TMEM51: variants seen among roughly 807,000 people sequenced by gnomAD.
TMEM51 encodes chromosome 1 open reading frame 72.
Under a neutral mutation model 13.6 loss-of-function variants are expected in TMEM51, and 8 were observed. The observed-to-expected ratio is 0.59, with a 90% CI of 0.35 to 1.07. The LOEUF is 1.07. TMEM51 is among the 50% of genes least tolerant of loss of function. The probability of loss-of-function intolerance (pLI) is 0.02; values close to 1 mark genes in which losing one functional copy is unlikely to be tolerated. For missense variants in TMEM51, 279 were observed against 330.7 expected (o/e 0.84, Z 1.21); for synonymous variants, 147 against 144.4 (o/e 1.02, Z -0.13).
rs138956119 is a variant in TMEM51 at position 15,215,403 on chromosome 1, G to A, written c.316G>A (p.Ala106Thr). 2.7e-5 allele frequency: 43 copies of A among 1,606,964 alleles called. No homozygotes were observed. The African/African-American group carries it at 3.2e-4, about 12-fold the overall frequency. The change falls in exon 3 of 4, where the codon GCT (alanine) becomes ACT (threonine). Residue 106 changes from alanine to threonine, a missense_variant. Transcript: ENST00000376008. ...DLAHVQHPTG[A>T]GPHAQEEDSQ... is the part of the protein sequence containing the mutation. ...GGCCCATGTCCAGCACCCGACAGGCGCTGGGCCTCACGCCCAGGAGGAAGA... is the reference window on the plus strand; with the variant it reads ...GGCCCATGTCCAGCACCCGACAGGCACTGGGCCTCACGCCCAGGAGGAAGA...
At chr1:15,201,606 G>A (rs1289223370) in intron 1 of TMEM51, among the ~76,000 whole-genome samples, 1 of 152,152 alleles carries the variant, frequency 6.6e-6, no homozygotes, top group Non-Finnish European at 1.5e-5. Flanking sequence ...TCGAAGACAG[G>A]AAGGAAACCC....
chr1:15,197,816 G>T (rs181869929), intron 1 of TMEM51, among the ~76,000 whole-genome samples: 1 of 152,164 alleles, frequency 6.6e-6, no homozygotes, highest in African/African-American at 2.4e-5. Flanking sequence ...ATCTCGCTGT[G>T]TCTGTCACCA....
At chr1:15,153,565 A>G (rs1480125751), upstream of TMEM51, among the ~76,000 whole-genome samples, 1 of 151,962 alleles carries the variant, frequency 6.6e-6, no homozygotes, top group East Asian at 2.0e-4. Flanking sequence ...CCAGCGGCAT[A>G]CGCTGGGGAG....
In TMEM51 at chr1:15,176,283, A is replaced by G. The variant is rs1643453878; in HGVS notation, c.-267+22329A>G. On this transcript the variant is annotated intron_variant, in intron 1 of 3. Coordinates refer to ENST00000376008, the MANE Select transcript of TMEM51 (RefSeq NM_001136218.2). ...CCCAGAAAAATATAAAAAGCCCCAG[A>G]GGCGGCAGTGAGAACACAGGTGTTC... Among the ~76,000 whole-genome samples, 3 of 152,316 alleles carry G rather than the reference A, an allele frequency of 2.0e-5. No individual in the cohort carries two copies. The South Asian group carries it at 6.2e-4, about 32-fold the overall frequency.
At position 15,171,365 on chromosome 1, in the gene TMEM51, G is replaced by T. The variant is rs565362057; in HGVS notation, c.-267+17411G>T. Reference sequence around the variant, plus strand: ...GGAATTAGTTCTTATGCATTCATAGGGGGGGCGGCAGAAAGGAAGGTGGAA... The same window carrying T: ...GGAATTAGTTCTTATGCATTCATAGTGGGGGCGGCAGAAAGGAAGGTGGAA... On this transcript the variant is annotated intron_variant, in intron 1 of 3. Coordinates refer to ENST00000376008, the MANE Select transcript of TMEM51 (RefSeq NM_001136218.2). 1.3e-4 allele frequency: 164 copies of T among 1,263,188 alleles called. 2 individuals are homozygous for T. In the East Asian group the frequency reaches 5.7e-3, roughly 44 times the overall value. The allele number at this position is 1,263,188 out of a possible 1,614,324, so 78.2% of individuals were successfully genotyped here. A position where few individuals can be genotyped will look rare whatever the true frequency, so the allele number is the denominator to read the frequency against.
At chr1:15,158,850 C>T (rs1396126564) in intron 1 of TMEM51, among the ~76,000 whole-genome samples, 2 of 152,222 alleles carry the variant, frequency 1.3e-5, no homozygotes, top group South Asian at 2.1e-4. Flanking sequence ...AGTGGTTTTC[C>T]GCTGGATTTT....
chr1:15,192,455 C>CCTTTTTT (rs3078876), intron 1 of TMEM51: 6,326 of 169,202 alleles, frequency 0.037, 365 homozygotes, highest in South Asian at 0.069. Context: ...TCTTTCTTTT[C>CCTTTTTT]TTTTCCTTTT....
At chr1:15,180,667 A>G (rs1418786225) in intron 1 of TMEM51, among the ~76,000 whole-genome samples, 1 of 152,286 alleles carries the variant, frequency 6.6e-6, no homozygotes, top group East Asian at 1.9e-4. Context: ...TAAGTGACCT[A>G]ACCTCTCTGA....
At chr1:15,174,830 A>G (rs1643404632) in intron 1 of TMEM51, among the ~76,000 whole-genome samples, 1 of 152,188 alleles carries the variant, frequency 6.6e-6, no homozygotes, top group African/African-American at 2.4e-5. Context: ...GCACGTGTGC[A>G]GAGAGAGCTC....
chr1:15,193,725 G>A (rs1388404359), intron 1 of TMEM51, among the ~76,000 whole-genome samples: 1 of 151,972 alleles, frequency 6.6e-6, no homozygotes, highest in Non-Finnish European at 1.5e-5. Flanking sequence ...GCTAATTTTT[G>A]TATTTTTATT....
chr1:15,186,455 C>A (rs1352114379), intron 1 of TMEM51, among the ~76,000 whole-genome samples: 1 of 152,076 alleles, frequency 6.6e-6, no homozygotes, highest in African/African-American at 2.4e-5. Context: ...GTGACTTGCC[C>A]CTGAATGAGG....
chr1:15,214,753 G>GAATGC (rs1347901400), intron 2 of TMEM51, 142 bp from the exon 3 acceptor site: 1 of 273,036 alleles, frequency 3.7e-6, no homozygotes, highest in Non-Finnish European at 7.0e-6. Flanking sequence ...AAGACATCTG[G>GAATGC]AATGCATCAA....
chr1:15,202,411 A>C (rs1157519692), intron 1 of TMEM51, among the ~76,000 whole-genome samples: 3 of 152,198 alleles, frequency 2.0e-5, no homozygotes, highest in African/African-American at 7.2e-5. Context: ...GCTGAAAACA[A>C]CACACATTTA....
At chr1:15,166,536 G>A (rs1643004560) in intron 1 of TMEM51, among the ~76,000 whole-genome samples, 1 of 152,070 alleles carries the variant, frequency 6.6e-6, no homozygotes, top group Admixed American at 6.5e-5. Flanking sequence ...CCTGACCAAC[G>A]TGGTGAAACC....
At chr1:15,217,525 A>G (rs142382890) in intron 3 of TMEM51, among the ~76,000 whole-genome samples, 2 of 152,296 alleles carry the variant, frequency 1.3e-5, no homozygotes, top group East Asian at 3.9e-4. Flanking sequence ...AGTTCCTGGG[A>G]TCATGGAAGC....
intron 1 of TMEM51, among the ~76,000 whole-genome samples, chr1:15,183,441 C>T (rs1643680151): frequency 6.6e-6 from 1 of 152,182 alleles, no homozygotes; most frequent in Non-Finnish European, 1.5e-5. Flanking sequence ...ACTTTATGTC[C>T]CTTTGCCTCC....
chr1:15,193,616 C>T (rs1329708911), intron 1 of TMEM51, among the ~76,000 whole-genome samples: 5 of 134,278 alleles, frequency 3.7e-5, no homozygotes, highest in African/African-American at 5.8e-5. Context: ...CTCACTCTGT[C>T]GCCCAAGCTG....
intron 1 of TMEM51, among the ~76,000 whole-genome samples, chr1:15,196,425 CAT>C (rs1218970411): frequency 3.9e-5 from 6 of 151,904 alleles, no homozygotes; most frequent in Non-Finnish European, 7.4e-5. Context: ...TGCATGCACA[CAT>C]GTGAAAGAGA....
At chr1:15,169,327 T>C (rs1192051094) in intron 1 of TMEM51, among the ~76,000 whole-genome samples, 3 of 152,176 alleles carry the variant, frequency 2.0e-5, no homozygotes, top group South Asian at 4.1e-4. Flanking sequence ...ATTTGTTCCT[T>C]GTTGCCAAGG....
Sources: gnomAD v4.1 joint callset for allele counts (sites outside exome capture counted in the v4.1 genomes callset) on GRCh38, gnomAD v4.1.1 for gene constraint, MANE v1.5 for transcripts, NCBI Gene and HGNC (gene_info 2026-07-23, HGNC 2026-07-21) for gene names.